PIEZO2: variants seen among roughly 807,000 people sequenced by gnomAD.
PIEZO2 encodes piezo-type mechanosensitive ion channel component 2.
Under a neutral mutation model 337.3 loss-of-function variants are expected in PIEZO2, and 172 were observed. The ratio of observed to expected loss-of-function variants is 0.51; its 90% CI spans 0.45 to 0.58. The LOEUF (loss-of-function observed/expected upper bound fraction) is 0.58. Ranked by LOEUF, PIEZO2 falls within the 20% of genes least tolerant of loss-of-function variation. PIEZO2 has a pLI of 0.00. For missense variants in PIEZO2, 3,028 were observed against 3,391.3 expected (o/e 0.89, Z 2.66); for synonymous variants, 1,251 against 1,228.5 (o/e 1.02, Z -0.38).
rs1431609489 is a variant in PIEZO2 at position 10,846,821 on chromosome 18, G to A, written c.917+8532C>T. 6.6e-6 allele frequency among the ~76,000 whole-genome samples: 1 copy of A among 152,214 alleles called. No individual in the cohort carries two copies. The highest frequency in any genetic ancestry group is 1.5e-5 in the Non-Finnish European group (1 of 68,036). ...CAGGAGATTTCCAGCAAAGGAAACA[G>A]TATAAGGGATGGAATTGCTTTATGT... On this transcript the variant is annotated intron_variant, in intron 7 of 55. Transcript: ENST00000674853. This position sits in a 1 kb window ranked among gnomAD's most constrained non-coding sequence, Gnocchi z 4.1.
In PIEZO2 at chr18:10,788,468, AAGG is replaced by A. The variant is rs1469887920; in HGVS notation, c.2169+608_2169+610del. On this transcript the variant is annotated intron_variant, in intron 15 of 55. Coordinates refer to ENST00000674853, the MANE Select transcript of PIEZO2 (RefSeq NM_001378183.1). ...GAAGGAAGGAAGGAAGGAAGGAAGG[AAGG>A]AAGGAAGAAATAGAAATGTAATTCA... Among the ~76,000 whole-genome samples the A allele has an allele frequency of 6.2e-4, 91 of 146,844 alleles. 2 individuals are homozygous for A. In the East Asian group the frequency reaches 0.017, roughly 28 times the overall value.
rs2038643941 is a variant in PIEZO2, at chr18:11,078,966, A to G, written c.65-12744T>C. Among the ~76,000 whole-genome samples, 1 of 152,214 alleles carries G rather than the reference A, an allele frequency of 6.6e-6. No homozygotes were observed. Among genetic ancestry groups the G allele is most frequent in the Non-Finnish European group, 1.5e-5 (1 of 68,034 alleles). On this transcript the variant is annotated intron_variant, in intron 1 of 55. Transcript: ENST00000674853. The surrounding 1 kb of genome is among the most constrained non-coding windows in gnomAD (Gnocchi z 5.3). ...TACCCTTCTTTTCAGTCTACACCAC[A>G]GCGTCATACCTTAGAAAGTTACGGT...
chr18:10,995,145 T>A (rs923298501), intron 2 of PIEZO2, among the ~76,000 whole-genome samples: 57 of 151,478 alleles, frequency 3.8e-4, no homozygotes, highest in South Asian at 4.2e-4. Context: ...TATTTTTTTT[T>A]AAATTTTTTG....
At chr18:10,793,984 C>T (rs948414190) in intron 13 of PIEZO2, among the ~76,000 whole-genome samples, 8 of 152,066 alleles carry the variant, frequency 5.3e-5, no homozygotes, top group African/African-American at 1.7e-4. Flanking sequence ...ACCCTTAAAG[C>T]GGGCACTTGC....
intron 3 of PIEZO2, among the ~76,000 whole-genome samples, chr18:10,920,961 G>A (rs2031349311): frequency 1.3e-5 from 2 of 152,120 alleles, no homozygotes; most frequent in Non-Finnish European, 2.9e-5. Flanking sequence ...GCCAAGGCAG[G>A]AGACTCGCTT....
At chr18:11,007,895 A>T (rs1312785986) in intron 2 of PIEZO2, among the ~76,000 whole-genome samples, 1 of 152,230 alleles carries the variant, frequency 6.6e-6, no homozygotes, top group Non-Finnish European at 1.5e-5. Flanking sequence ...CACACTAAAT[A>T]GTAACCCTGA....
chr18:11,024,882 G>T (rs1249868652), intron 2 of PIEZO2, among the ~76,000 whole-genome samples: 2 of 151,520 alleles, frequency 1.3e-5, no homozygotes, highest in Non-Finnish European at 2.9e-5. Context: ...TAGGTGATCT[G>T]CCCCCCGTGG....
chr18:10,796,500 T>C (rs1303759789), intron 12 of PIEZO2, among the ~76,000 whole-genome samples: 1 of 152,192 alleles, frequency 6.6e-6, no homozygotes, highest in African/African-American at 2.4e-5. Flanking sequence ...AGACCTTCAA[T>C]GTCATTTAAA....
chr18:10,954,160 T>C lies in PIEZO2; in HGVS notation c.286+25375A>G, dbSNP rs896840415. Reference sequence around the variant, plus strand: ...TTCATTTTCAAAATTACTTTGGCTATTGTAGTTTTTTTTCCATATATATTT... The same window carrying C: ...TTCATTTTCAAAATTACTTTGGCTACTGTAGTTTTTTTTCCATATATATTT... On this transcript the variant is annotated intron_variant, in intron 3 of 55. Coordinates refer to ENST00000674853, the MANE Select transcript of PIEZO2 (RefSeq NM_001378183.1). This position sits in a 1 kb window ranked among gnomAD's most constrained non-coding sequence, Gnocchi z 4.2. Among the ~76,000 whole-genome samples the C allele has an allele frequency of 6.6e-6, 1 of 152,256 alleles. No individual in the cohort carries two copies. The highest frequency in any genetic ancestry group is 2.1e-4 in the South Asian group (1 of 4,836).
At position 10,870,832 on chromosome 18, in the gene PIEZO2, C is replaced by T. The variant is rs1242821886; in HGVS notation, c.492+421G>A. ...CACTGAGCAGGACAAGGTGCACAGA[C>T]TGGAAAGCTGCCCTGCAAGGAGGAA... is the stretch of plus-strand genomic sequence containing the variant. On this transcript the variant is annotated intron_variant, in intron 5 of 55. Coordinates refer to ENST00000674853, the MANE Select transcript of PIEZO2 (RefSeq NM_001378183.1). This position sits in a 1 kb window ranked among gnomAD's most constrained non-coding sequence, Gnocchi z 5.3. Among the ~76,000 whole-genome samples the T allele has an allele frequency of 6.6e-6, 1 of 152,190 alleles. No homozygotes were observed. Among genetic ancestry groups the T allele is most frequent in the Non-Finnish European group, 1.5e-5 (1 of 68,034 alleles).
At chr18:10,959,254 G>A (rs116793795) in intron 3 of PIEZO2, among the ~76,000 whole-genome samples, 1 of 152,074 alleles carries the variant, frequency 6.6e-6, no homozygotes, top group Non-Finnish European at 1.5e-5. Context: ...ACAGTAAAAG[G>A]TATACTTCCC....
intron 1 of PIEZO2, among the ~76,000 whole-genome samples, chr18:11,144,770 G>C (rs925752332): frequency 6.6e-5 from 10 of 152,186 alleles, no homozygotes; most frequent in Admixed American, 4.6e-4. Flanking sequence ...CTGATTGCCT[G>C]TTTTAGGGGA....
In PIEZO2 at chr18:10,677,777, C is replaced by T. The variant is rs748744490; in HGVS notation, c.8051G>A (p.Gly2684Asp). The T allele has an allele frequency of 2.5e-6, 4 of 1,610,758 alleles. No individual in the cohort carries two copies. The Admixed American group carries it at 6.7e-5, about 27-fold the overall frequency. ...TRKNIAKMIA[G>D]NSTESSKTPV... ...TGTTTTTGAACTTTCTGTGCTGTTG[C>T]CTGCTATCATTTTAGCGATATTCTT... The change falls in exon 53 of 56, where the codon GGC (glycine) becomes GAC (aspartate). Residue 2684 changes from glycine to aspartate, a missense_variant. By Grantham distance (94) the Gly-to-Asp change is moderately conservative (BLOSUM62 -1). This residue lies in a region of PIEZO2 where 332 missense variants were observed against 363.8 expected (regional missense o/e 0.91). Coordinates refer to ENST00000674853, the MANE Select transcript of PIEZO2 (RefSeq NM_001378183.1). This position sits in a 1 kb window ranked among gnomAD's most constrained non-coding sequence, Gnocchi z 4.1.
chr18:11,024,613 A>C (rs2036462164), intron 2 of PIEZO2, among the ~76,000 whole-genome samples: 1 of 151,792 alleles, frequency 6.6e-6, no homozygotes, highest in Non-Finnish European at 1.5e-5. Context: ...GGGAAGATAA[A>C]AAGATATAAG....
chr18:10,763,099 C>A lies in PIEZO2; in HGVS notation c.2947-1G>T. 1 of 1,536,130 alleles carries A rather than the reference C, an allele frequency of 6.5e-7. No homozygotes were observed. Among genetic ancestry groups the A allele is most frequent in the Non-Finnish European group, 8.7e-7 (1 of 1,146,548 alleles). Reference sequence around the variant, plus strand: ...AAAATACATAGTTGAACAGAGACACCTGAAAACGTAAAACCAGAAATGGGG... The same window carrying A: ...AAAATACATAGTTGAACAGAGACACATGAAAACGTAAAACCAGAAATGGGG... On this transcript the variant is annotated splice_acceptor_variant, in intron 21 of 55. Coordinates refer to ENST00000674853, the MANE Select transcript of PIEZO2 (RefSeq NM_001378183.1). LOFTEE classifies it high-confidence loss of function.
At chr18:11,135,209 T>C (rs762543757) in intron 1 of PIEZO2, among the ~76,000 whole-genome samples, 4 of 152,138 alleles carry the variant, frequency 2.6e-5, no homozygotes, top group Non-Finnish European at 5.9e-5. Context: ...AAAGCAGTAA[T>C]GTCCAAAGCG....
At position 10,954,790 on chromosome 18, in the gene PIEZO2, G is replaced by A. The variant is rs1391295511; in HGVS notation, c.286+24745C>T. ...AAGCAACGCATGAGAAGCATCTGAC[G>A]CTAAAGAGAACAGAGAACTCAGAAT... On this transcript the variant is annotated intron_variant, in intron 3 of 55. Transcript: ENST00000674853. The surrounding 1 kb of genome is among the most constrained non-coding windows in gnomAD (Gnocchi z 4.2). Among the ~76,000 whole-genome samples the A allele has an allele frequency of 6.6e-6, 1 of 152,172 alleles. No homozygotes were observed.
At chr18:10,822,894 C>T (rs2040562266) in intron 7 of PIEZO2, among the ~76,000 whole-genome samples, 1 of 152,108 alleles carries the variant, frequency 6.6e-6, no homozygotes, top group African/African-American at 2.4e-5. Context: ...TATATCTAAC[C>T]CAGAAAAATC....
rs577696607 is a variant in PIEZO2 at position 10,837,362 on chromosome 18, C to A, written c.917+17991G>T. On this transcript the variant is annotated intron_variant, in intron 7 of 55. Transcript: ENST00000674853. The surrounding 1 kb of genome is among the most constrained non-coding windows in gnomAD (Gnocchi z 4.4). ...ACAGCATCTTCTGAGAATACCTTTT[C>A]CAACTGCAGCCATCTTGCCTCTCTC... 6.6e-6 allele frequency among the ~76,000 whole-genome samples: 1 copy of A among 152,180 alleles called. No homozygotes were observed. The highest frequency in any genetic ancestry group is 1.5e-5 in the Non-Finnish European group (1 of 68,034).
Sources: allele counts gnomAD v4.1 joint callset (sites outside exome capture counted in the v4.1 genomes callset), GRCh38; gene constraint gnomAD v4.1.1; regional missense constraint gnomAD v4.1.1; non-coding constraint Gnocchi (gnomAD v3.1); transcripts MANE v1.5; gene names NCBI Gene and HGNC (gene_info 2026-07-23, HGNC 2026-07-21).